The following RIN3 variants were observed in gnomAD, a reference collection of about 807,000 sequenced individuals.
RIN3 encodes the protein Ras and Rab interactor 3.
Under a neutral mutation model 76.3 loss-of-function variants are expected in RIN3, and 54 were observed. The ratio of observed to expected loss-of-function variants is 0.71; its 90% CI spans 0.57 to 0.89. The LOEUF (loss-of-function observed/expected upper bound fraction) is 0.89, where lower values mean the gene tolerates loss of function less well. Ranked by LOEUF, RIN3 falls within the 40% of genes least tolerant of loss-of-function variation. The pLI is 0.00. For synonymous variants in RIN3, 576 were observed against 564.0 expected (o/e 1.02, Z -0.30); for missense variants, 1,256 against 1,322.1 (o/e 0.95, Z 0.78).
At chr14:92,606,245 T>C (rs1215536546) in intron 3 of RIN3, among the ~76,000 whole-genome samples, 1 of 151,570 alleles carries the variant, frequency 6.6e-6, no homozygotes, top group Non-Finnish European at 1.5e-5. Flanking sequence ...CTAGAATATA[T>C]AAAGAACTCT....
intron 3 of RIN3, among the ~76,000 whole-genome samples, chr14:92,611,092 C>G (rs117359820): frequency 1.3e-5 from 2 of 152,182 alleles, no homozygotes; most frequent in East Asian, 3.9e-4. Flanking sequence ...GGCCAGAAAT[C>G]GGAAATCAAG....
At chr14:92,570,123 G>A (rs756989178) in intron 2 of RIN3, among the ~76,000 whole-genome samples, 19 of 152,216 alleles carry the variant, frequency 1.2e-4, no homozygotes, top group Non-Finnish European at 1.0e-4. Context: ...CACAAAGAGA[G>A]CACTTTCCCA....
intron 1 of RIN3, among the ~76,000 whole-genome samples, chr14:92,527,781 C>T (rs1032923456): frequency 6.6e-6 from 1 of 152,168 alleles, no homozygotes; most frequent in Non-Finnish European, 1.5e-5. Context: ...GGCTTTTTCT[C>T]AGCCACATGC....
At chr14:92,548,681 C>T (rs1178715481) in intron 1 of RIN3, among the ~76,000 whole-genome samples, 2 of 152,154 alleles carry the variant, frequency 1.3e-5, no homozygotes, top group Non-Finnish European at 2.9e-5. Flanking sequence ...TCATCTGTGT[C>T]TCTCTGTGCC....
intron 2 of RIN3, among the ~76,000 whole-genome samples, chr14:92,560,766 C>T (rs1595416011): frequency 1.3e-5 from 2 of 151,750 alleles, no homozygotes; most frequent in East Asian, 1.9e-4. Flanking sequence ...TGTCTATAAT[C>T]CCAGCCCTTT....
chr14:92,670,846 C>T (rs901315802), intron 7 of RIN3, among the ~76,000 whole-genome samples: 1 of 152,162 alleles, frequency 6.6e-6, no homozygotes, highest in Non-Finnish European at 1.5e-5. Context: ...TTGTTGGTAG[C>T]TTGACGTTGG....
At chr14:92,577,114 T>A (rs1053668448) in intron 2 of RIN3, among the ~76,000 whole-genome samples, 5 of 152,128 alleles carry the variant, frequency 3.3e-5, no homozygotes, top group Non-Finnish European at 1.5e-5. Context: ...TATAGAAACA[T>A]TGACTTCATT....
intron 3 of RIN3, among the ~76,000 whole-genome samples, chr14:92,596,680 A>G (rs935809395): frequency 3.3e-5 from 5 of 152,180 alleles, no homozygotes; most frequent in African/African-American, 7.2e-5. Flanking sequence ...CTGAAGCCTA[A>G]GCTAAGAGTA....
At position 92,652,445 on chromosome 14, in the gene RIN3, ATC is replaced by A. The variant is rs772528530; in HGVS notation, c.1401_1402del (p.Arg468ThrfsTer14). 5 of 1,613,838 alleles carry A rather than the reference ATC, an allele frequency of 3.1e-6. No individual in the cohort carries two copies. The highest frequency in any genetic ancestry group is 2.2e-5 in the East Asian group (1 of 44,840). On this transcript the variant is annotated frameshift_variant, in exon 6 of 10. Transcript: ENST00000216487. LOFTEE classifies it high-confidence loss of function. The surrounding 1 kb of genome is among the most constrained non-coding windows in gnomAD (Gnocchi z 6.4). ...AGTCCCGCCCCCCAGGAAAAAACGG[ATC>A]TCTCGACAACTGGCCTCGACCCTCC... ...PPVPPPRKKR[I>X]SRQLASTLPA...
chr14:92,563,609 AC>A (rs1897838691), intron 2 of RIN3, among the ~76,000 whole-genome samples: 2 of 147,674 alleles, frequency 1.4e-5, no homozygotes, highest in South Asian at 4.5e-4. Context: ...TAAACCCACA[AC>A]TGACTGTCTC....
intron 4 of RIN3, among the ~76,000 whole-genome samples, chr14:92,630,888 G>C (rs1167990447): frequency 6.6e-6 from 1 of 152,172 alleles, no homozygotes; most frequent in Admixed American, 6.5e-5. Context: ...GACCTCTCCT[G>C]GCCCCCAGTT....
At chr14:92,518,760 CACTGAGAA>C (rs1439683684) in intron 1 of RIN3, among the ~76,000 whole-genome samples, 1 of 144,504 alleles carries the variant, frequency 6.9e-6, no homozygotes, top group Non-Finnish European at 1.5e-5. Flanking sequence ...GTCTCTGGAC[CACTGAGAA>C]ACTGGGAAAA....
chr14:92,637,114 G>GT (rs1166603895), intron 4 of RIN3, among the ~76,000 whole-genome samples: 4 of 151,988 alleles, frequency 2.6e-5, no homozygotes, highest in African/African-American at 4.8e-5. Context: ...AGCGCATTAC[G>GT]TTTATTGTGC....
intron 4 of RIN3, among the ~76,000 whole-genome samples, chr14:92,637,636 TA>T (rs1174647104): frequency 1.3e-5 from 2 of 151,916 alleles, no homozygotes; most frequent in South Asian, 2.1e-4. Context: ...CTTTTCTAAT[TA>T]AAAAAAATCC....
chr14:92,662,211 G>C (rs1442256389), intron 7 of RIN3, among the ~76,000 whole-genome samples: 1 of 152,266 alleles, frequency 6.6e-6, no homozygotes, highest in Non-Finnish European at 1.5e-5. Flanking sequence ...TTCTCAGAGA[G>C]AGGCAGTCCT....
intron 1 of RIN3, among the ~76,000 whole-genome samples, chr14:92,547,585 A>G (rs956313771): frequency 9.2e-5 from 14 of 151,640 alleles, no homozygotes; most frequent in African/African-American, 3.2e-4. Flanking sequence ...TTGTAGAGAT[A>G]GTGTCTCACC....
Position 92,652,089 on chromosome 14 carries a change from C to A in RIN3, c.1040C>A (p.Pro347His). ...ATGACCTGCGAGAGACTCCCATGCC[C>A]CACTGCAGGCCTGGGCCCCCTCAGG... The part of the protein sequence containing the change: ...PMMTCERLPC[P>H]TAGLGPLREE... Residue 347 changes from proline to histidine, a missense_variant, in exon 6 of 10, where the codon CCC becomes CAC. Around this residue, in one of 3 missense-constraint regions of RIN3, gnomAD observed 610 missense variants for 626.4 expected, o/e 0.97. Transcript: ENST00000216487. This position sits in a 1 kb window ranked among gnomAD's most constrained non-coding sequence, Gnocchi z 6.4. 6.2e-7 allele frequency: 1 copy of A among 1,605,420 alleles called. No homozygotes were observed.
intron 2 of RIN3, among the ~76,000 whole-genome samples, chr14:92,564,913 T>C (rs1470179559): frequency 6.6e-6 from 1 of 152,150 alleles, no homozygotes. Flanking sequence ...ACACTGGGCC[T>C]AGGAAGCTTT....
intron 2 of RIN3, among the ~76,000 whole-genome samples, chr14:92,564,936 T>C (rs1311595070): frequency 6.6e-6 from 1 of 152,170 alleles, no homozygotes; most frequent in African/African-American, 2.4e-5. Context: ...TAGTGGCTAA[T>C]CAGGGAAGGC....
Sources: allele counts gnomAD v4.1 joint callset (sites outside exome capture counted in the v4.1 genomes callset), GRCh38; gene constraint gnomAD v4.1.1; regional missense constraint gnomAD v4.1.1; non-coding constraint Gnocchi (gnomAD v3.1); transcripts MANE v1.5; gene names NCBI Gene and HGNC (gene_info 2026-07-23, HGNC 2026-07-21).